PPFIBP1: variants seen among roughly 807,000 people sequenced by gnomAD.
PPFIBP1 encodes liprin-beta-1.
PPFIBP1 carries 112 observed loss-of-function variants against 137.8 expected under a neutral mutation model. That is an observed-to-expected ratio of 0.81 (90% CI 0.70 to 0.95). The LOEUF (loss-of-function observed/expected upper bound fraction) is 0.95. PPFIBP1 is among the 40% of genes least tolerant of loss of function. PPFIBP1 has a pLI of 0.00. For synonymous variants in PPFIBP1, 378 were observed against 417.3 expected, an observed-to-expected ratio of 0.91 and a Z score of 1.15; for missense variants, 1,083 against 1,196.6, an observed-to-expected ratio of 0.91 and a Z score of 1.40.
At chr12:27,545,818 GC>G (rs1217012279) in intron 1 of PPFIBP1, among the ~76,000 whole-genome samples, 1 of 151,956 alleles carries the variant, frequency 6.6e-6, no homozygotes, top group East Asian at 1.9e-4. Flanking sequence ...AAATTGGTGT[GC>G]TGTTTAAAGC....
At chr12:27,624,939 C>T (rs7979855) in intron 2 of PPFIBP1, among the ~76,000 whole-genome samples, 9 of 152,096 alleles carry the variant, frequency 5.9e-5, no homozygotes, top group South Asian at 4.2e-4. Flanking sequence ...AAAACTGAAA[C>T]GTTTTATTAT....
intron 1 of PPFIBP1, among the ~76,000 whole-genome samples, chr12:27,555,941 G>C (rs2048672489): frequency 6.6e-6 from 1 of 152,194 alleles, no homozygotes; most frequent in East Asian, 1.9e-4. Context: ...AAACTTAGAT[G>C]CAGTGTTTAG....
intron 1 of PPFIBP1, chr12:27,547,049 T>G (rs1946304327): frequency 6.6e-6 from 1 of 152,304 alleles, no homozygotes; most frequent in Non-Finnish European, 1.5e-5. Flanking sequence ...AATAAAGTGT[T>G]CAGGACTCAG....
rs138945658 is a variant in PPFIBP1, at chr12:27,580,160, A to T, written c.-36+1921A>T. On this transcript the variant is annotated intron_variant, in intron 2 of 29. Transcript: ENST00000228425. ...GGGAGACGAATAGAGAAAGAAAAATAGAGGCAGGCCTGAGCTCAGAAGGAG... is the reference window on the plus strand; with the variant it reads ...GGGAGACGAATAGAGAAAGAAAAATTGAGGCAGGCCTGAGCTCAGAAGGAG... Among the ~76,000 whole-genome samples, 418 of 152,326 alleles carry T rather than the reference A, an allele frequency of 2.7e-3. 1 individual carries two copies. Among genetic ancestry groups the T allele is most frequent in the African/African-American group, 8.8e-3 (367 of 41,552 alleles).
chr12:27,683,967 T>G (rs971052133), intron 24 of PPFIBP1, among the ~76,000 whole-genome samples: 1 of 151,930 alleles, frequency 6.6e-6, no homozygotes, highest in African/African-American at 2.4e-5. Context: ...TTTTGTATTT[T>G]TAATAGAGAC....
chr12:27,658,536 G>A (rs2059353408), intron 9 of PPFIBP1, among the ~76,000 whole-genome samples: 1 of 152,172 alleles, frequency 6.6e-6, no homozygotes, highest in South Asian at 2.1e-4. Context: ...AGAAGTGCTT[G>A]TAGTCCATAA....
chr12:27,691,788 A>C lies in PPFIBP1; in HGVS notation c.2725A>C (p.Lys909Gln), dbSNP rs1168472166. 6.2e-7 allele frequency: 1 copy of C among 1,611,508 alleles called. No individual in the cohort carries two copies. The highest frequency in any genetic ancestry group is 1.7e-5 in the Admixed American group (1 of 59,554). Reference protein sequence around the residue: ...LAFSNFGNLRKKKQEDGEEYV... With the variant: ...LAFSNFGNLRQKKQEDGEEYV... ...CTTTAGCAATTTTGGGAATTTGAGA[A>C]AGAAGAAACAGGAAGATGGTGAAGA... The change falls in exon 28 of 30, where the codon AAG becomes CAG. Residue 909 changes from lysine (K) to glutamine (Q), a missense_variant. Physicochemically the swap from Lys to Gln is moderately conservative, Grantham distance 53 (BLOSUM62 1). Coordinates refer to ENST00000228425, the MANE Select transcript of PPFIBP1 (RefSeq NM_003622.4).
intron 2 of PPFIBP1, among the ~76,000 whole-genome samples, chr12:27,621,030 T>C (rs1456052718): frequency 6.6e-6 from 1 of 152,214 alleles, no homozygotes; most frequent in Non-Finnish European, 1.5e-5. Context: ...TGATATGCAG[T>C]AGGTACTTAA....
In PPFIBP1 at chr12:27,689,156, A is replaced by T; in HGVS notation, c.2638A>T (p.Met880Leu). 7 of 1,597,254 alleles carry T rather than the reference A, an allele frequency of 4.4e-6. No homozygotes were observed. The South Asian group carries it at 8.0e-5, about 18-fold the overall frequency. ...AEAQHQKRDA[M>L]ELPDYVLLTA... ...GGCACAGCACCAGAAGCGAGATGCC[A>T]TGGAGCTGCCGGATTATGTACTTCT... Residue 880 changes from methionine to leucine, a missense_variant, in exon 27 of 30, where the codon ATG becomes TTG. Coordinates refer to ENST00000228425, the MANE Select transcript of PPFIBP1 (RefSeq NM_003622.4).
intron 1 of PPFIBP1, among the ~76,000 whole-genome samples, chr12:27,539,478 G>A (rs981726285): frequency 6.6e-6 from 1 of 152,334 alleles, no homozygotes; most frequent in Non-Finnish European, 1.5e-5. Flanking sequence ...GATGGAAAAT[G>A]TTTTGACTAT....
chr12:27,547,627 T>C (rs774741267), intron 1 of PPFIBP1: 7 of 152,284 alleles, frequency 4.6e-5, no homozygotes, highest in African/African-American at 1.2e-4. Context: ...CAAGGCAAGA[T>C]TGGGCAGAGG....
intron 4 of PPFIBP1, among the ~76,000 whole-genome samples, chr12:27,638,706 T>G (rs1215475643): frequency 6.6e-6 from 1 of 152,166 alleles, no homozygotes; most frequent in Non-Finnish European, 1.5e-5. Flanking sequence ...CCAGTTGCAA[T>G]GGGAGTTAGG....
chr12:27,592,750 T>C, intron 2 of PPFIBP1: 1 of 919,148 alleles, frequency 1.1e-6, no homozygotes, highest in Middle Eastern at 2.3e-4. Context: ...GCTTATCATC[T>C]GCCAAGAAAA....
At chr12:27,646,248 A>G (rs774803829) in intron 5 of PPFIBP1, 100 bp downstream of exon 5, 1 of 901,114 alleles carries the variant, frequency 1.1e-6, no homozygotes, top group Non-Finnish European at 1.8e-6. Flanking sequence ...TCAGACTGCT[A>G]ATAGAAATAA....
intron 2 of PPFIBP1, among the ~76,000 whole-genome samples, chr12:27,607,722 A>T (rs1172762246): frequency 1.3e-5 from 2 of 152,042 alleles, no homozygotes; most frequent in Middle Eastern, 3.2e-3. Context: ...GACGGGTGCA[A>T]ATTGTTGCGG....
intron 1 of PPFIBP1, among the ~76,000 whole-genome samples, chr12:27,526,119 G>A (rs1318307770): frequency 6.6e-6 from 1 of 152,188 alleles, no homozygotes; most frequent in Non-Finnish European, 1.5e-5. Flanking sequence ...GTGGAGTGGA[G>A]TTCCTGTGGG....
intron 1 of PPFIBP1, among the ~76,000 whole-genome samples, chr12:27,543,057 A>G (rs1404276972): frequency 6.6e-6 from 1 of 152,034 alleles, no homozygotes; most frequent in Non-Finnish European, 1.5e-5. Flanking sequence ...GTAAATTTTT[A>G]TTTTTCATCC....
In PPFIBP1 at chr12:27,687,354, A is replaced by G. The variant is rs369023967; in HGVS notation, c.2248-31A>G. 12 of 1,610,606 alleles carry G rather than the reference A, an allele frequency of 7.5e-6. No homozygotes were observed. In the African/African-American group the frequency reaches 1.3e-4, roughly 18 times the overall value. Reference sequence around the variant, plus strand: ...AAGTCCTCCTGCTACAGGCCAGCACAGTGAGCTCCTCCTTTTGTTCTTTTT... The same window carrying G: ...AAGTCCTCCTGCTACAGGCCAGCACGGTGAGCTCCTCCTTTTGTTCTTTTT... On this transcript the variant is annotated intron_variant, in intron 24 of 29. Transcript: ENST00000228425.
rs150528906 is a variant in PPFIBP1, at chr12:27,671,519, C to G, written c.1235C>G (p.Pro412Arg). Reference sequence around the variant, plus strand: ...ACTTCTGAAAAATCAAAGTTGACTCCTAAGCCAGAGACTTCATTTGAAGAA... The same window carrying G: ...ACTTCTGAAAAATCAAAGTTGACTCGTAAGCCAGAGACTTCATTTGAAGAA... ...METSEKSKLT[P>R]KPETSFEEND... Residue 412 changes from proline to arginine, a missense_variant, in exon 14 of 30, where the codon CCT (proline) becomes CGT (arginine). Pro to Arg is a moderately radical substitution (Grantham distance 103). Coordinates refer to ENST00000228425, the MANE Select transcript of PPFIBP1 (RefSeq NM_003622.4). The G allele has an allele frequency of 3.0e-4, 477 of 1,592,756 alleles. 2 individuals are homozygous for G. The highest frequency in any genetic ancestry group is 3.0e-4 in the Non-Finnish European group (350 of 1,170,456).
Sources: allele counts gnomAD v4.1 joint callset (sites outside exome capture counted in the v4.1 genomes callset), GRCh38; gene constraint gnomAD v4.1.1; transcripts MANE v1.5; gene names NCBI Gene and HGNC (gene_info 2026-07-23, HGNC 2026-07-21).